HDAC9: variants seen among roughly 807,000 people sequenced by gnomAD.
HDAC9 encodes the protein MEF-2 interacting transcription repressor (MITR) protein.
A neutral mutation model predicts 139.4 loss-of-function variants in HDAC9; 41 were observed. That is an observed-to-expected ratio of 0.29 (90% confidence interval 0.23 to 0.38). HDAC9 has a LOEUF of 0.38. Ranked by LOEUF, HDAC9 falls within the 10% of genes least tolerant of loss-of-function variation. HDAC9 has a pLI of 1.00. For missense variants in HDAC9, 1,147 were observed against 1,297.0 expected, an observed-to-expected ratio of 0.88 and a Z score of 1.78; for synonymous variants, 517 against 476.2, an observed-to-expected ratio of 1.09 and a Z score of -1.12.
intron 21 of HDAC9, among the ~76,000 whole-genome samples, chr7:18,839,021 T>G (rs1255194548): frequency 6.6e-6 from 1 of 152,022 alleles, no homozygotes; most frequent in East Asian, 1.9e-4. Flanking sequence ...AATAACTAAA[T>G]TATTTCAAAT....
At position 18,720,443 on chromosome 7, in the gene HDAC9, A is replaced by G. The variant is rs191083538; in HGVS notation, c.1732-7137A>G. On this transcript the variant is annotated intron_variant, in intron 12 of 25. Coordinates refer to ENST00000686413, the MANE Select transcript of HDAC9 (RefSeq NM_178425.4). ...ATTTTTCAGTCCCTTTAGTGTCATT[A>G]ACGGCTTTCTTACTGAGTGAATTCA... is the stretch of plus-strand genomic sequence containing the variant. Among the ~76,000 whole-genome samples, 535 of 151,756 alleles carry G rather than the reference A, an allele frequency of 3.5e-3. 2 individuals are homozygous for G. The highest frequency in any genetic ancestry group is 6.1e-3 in the Non-Finnish European group (417 of 67,910).
At chr7:18,421,553 G>A (rs994325529) in intron 1 of HDAC9, among the ~76,000 whole-genome samples, 1 of 152,172 alleles carries the variant, frequency 6.6e-6, no homozygotes. Flanking sequence ...TTATTTTTAT[G>A]TCTGGAAAGA....
intron 11 of HDAC9, among the ~76,000 whole-genome samples, chr7:18,664,577 G>A (rs1794238672): frequency 6.6e-6 from 1 of 151,960 alleles, no homozygotes; most frequent in African/African-American, 2.4e-5. Context: ...CCAATCCAAA[G>A]TCCCCACAGA....
At chr7:18,968,539 CA>C (rs1174409843) in intron 24 of HDAC9, among the ~76,000 whole-genome samples, 1 of 152,058 alleles carries the variant, frequency 6.6e-6, no homozygotes, top group African/African-American at 2.4e-5. Flanking sequence ...AATGAAGAAA[CA>C]AAATGAGTAC....
intron 2 of HDAC9, among the ~76,000 whole-genome samples, chr7:18,571,988 A>G (rs1824452023): frequency 6.6e-6 from 1 of 151,180 alleles, no homozygotes; most frequent in African/African-American, 2.4e-5. Context: ...TTTTTCTGTC[A>G]AAATAGCACA....
At chr7:18,385,588 A>G (rs556057995) in intron 1 of HDAC9, among the ~76,000 whole-genome samples, 1 of 152,268 alleles carries the variant, frequency 6.6e-6, no homozygotes, top group South Asian at 2.1e-4. Context: ...ACATCTAATC[A>G]GATATAACAA....
At chr7:18,902,200 G>A (rs1484548578) in intron 22 of HDAC9, among the ~76,000 whole-genome samples, 1 of 152,184 alleles carries the variant, frequency 6.6e-6, no homozygotes, top group Non-Finnish European at 1.5e-5. Flanking sequence ...ATGCACTAAT[G>A]CTGCTTTCTC....
intron 11 of HDAC9, among the ~76,000 whole-genome samples, chr7:18,651,598 G>A (rs1320155639): frequency 6.6e-6 from 1 of 151,808 alleles, no homozygotes; most frequent in Non-Finnish European, 1.5e-5. Context: ...GGGCATGGGT[G>A]ATGCAAGGAT....
intron 23 of HDAC9, among the ~76,000 whole-genome samples, chr7:18,936,987 A>G (rs1348110223): frequency 6.6e-6 from 1 of 151,028 alleles, no homozygotes; most frequent in African/African-American, 2.4e-5. Context: ...AAAAAATATG[A>G]GAGAGAAAAC....
At chr7:18,918,532 T>A (rs1478972426) in intron 22 of HDAC9, among the ~76,000 whole-genome samples, 5 of 152,072 alleles carry the variant, frequency 3.3e-5, no homozygotes, top group Non-Finnish European at 7.4e-5. Flanking sequence ...AATTTTAGAC[T>A]TTTTTCAGGT....
chr7:18,680,027 A>G (rs1267136269), intron 12 of HDAC9, among the ~76,000 whole-genome samples: 2 of 152,118 alleles, frequency 1.3e-5, no homozygotes, highest in East Asian at 1.9e-4. Context: ...TTACTATGGC[A>G]TAGTTCATGT....
intron 2 of HDAC9, among the ~76,000 whole-genome samples, chr7:18,179,841 T>C (rs1789248869): frequency 6.6e-6 from 1 of 152,182 alleles, no homozygotes; most frequent in African/African-American, 2.4e-5. Context: ...AAAGATGTAA[T>C]TGTACAAGAG....
At chr7:18,575,558 T>A (rs367981961) in intron 2 of HDAC9, among the ~76,000 whole-genome samples, 2 of 152,244 alleles carry the variant, frequency 1.3e-5, no homozygotes, top group Non-Finnish European at 2.9e-5. Context: ...TGTCAGCACA[T>A]TGAATTTTAA....
rs145928782 is a variant in HDAC9 at position 18,487,553 on chromosome 7, A to G, written c.-41-8709A>G. On this transcript the variant is annotated intron_variant, in intron 1 of 3. Coordinates refer to the HDAC9 transcript ENST00000413509. Reference sequence around the variant, plus strand: ...AGATTCCATAACCATAGGATGTATAATATAAACTTAGTGATATGGCCAGTT... The same window carrying G: ...AGATTCCATAACCATAGGATGTATAGTATAAACTTAGTGATATGGCCAGTT... Among the ~76,000 whole-genome samples, 489 of 152,164 alleles carry G rather than the reference A, an allele frequency of 3.2e-3. 6 individuals are homozygous for G. Among genetic ancestry groups the G allele is most frequent in the African/African-American group, 0.011 (458 of 41,552 alleles).
At chr7:18,617,774 A>T (rs1197561463) in intron 6 of HDAC9, among the ~76,000 whole-genome samples, 2 of 152,200 alleles carry the variant, frequency 1.3e-5, no homozygotes, top group Non-Finnish European at 1.5e-5. Flanking sequence ...GGCACTGAAT[A>T]AATTTCTGTT....
At chr7:18,941,827 T>C (rs1250456213) in intron 23 of HDAC9, among the ~76,000 whole-genome samples, 2 of 152,090 alleles carry the variant, frequency 1.3e-5, no homozygotes, top group African/African-American at 4.8e-5. Flanking sequence ...CCTGTGATGT[T>C]GCATTTCTTA....
At position 18,444,477 on chromosome 7, in the gene HDAC9, G is replaced by A. The variant is rs538477431; in HGVS notation, c.-41-51785G>A. On this transcript the variant is annotated intron_variant, in intron 1 of 3. Transcript: ENST00000413509. ...TCTTGTAAATAAAAGGGGAAAGGTA[G>A]ATTAGTATTTTTTATCCCCCGACCA... Among the ~76,000 whole-genome samples the A allele has an allele frequency of 7.2e-5, 11 of 151,788 alleles. No individual in the cohort carries two copies. In the East Asian group the frequency reaches 9.7e-4, roughly 13 times the overall value.
chr7:18,483,567 A>C (rs1210322754), intron 1 of HDAC9, among the ~76,000 whole-genome samples: 1 of 152,122 alleles, frequency 6.6e-6, no homozygotes, highest in Non-Finnish European at 1.5e-5. Context: ...CATGTTGTCT[A>C]ATGTGTCTTC....
At chr7:18,390,047 AACACACACACAC>A (rs60514746) in intron 1 of HDAC9, among the ~76,000 whole-genome samples, 4,355 of 130,486 alleles carry the variant, frequency 0.033, 249 homozygotes, top group African/African-American at 0.11. Context: ...AGAGAAAGAC[AACACACACACAC>A]ACACACACAC....
Sources: gnomAD v4.1 joint callset for allele counts (sites outside exome capture counted in the v4.1 genomes callset) on GRCh38, gnomAD v4.1.1 for gene constraint, MANE v1.5 for transcripts, NCBI Gene and HGNC (gene_info 2026-07-23, HGNC 2026-07-21) for gene names.